Variants in GALNTL6 observed in about 807,000 individuals in gnomAD.
GALNTL6 encodes the protein polypeptide N-acetylgalactosaminyltransferase-like 6.
A neutral mutation model predicts 73.7 loss-of-function variants in GALNTL6; 46 were observed. The observed-to-expected ratio is 0.62, with a 90% CI of 0.49 to 0.80. The LOEUF (loss-of-function observed/expected upper bound fraction) is 0.80, where lower values mean the gene tolerates loss of function less well. GALNTL6 is among the 30% of genes least tolerant of loss of function. GALNTL6 has a pLI of 0.00. For missense variants in GALNTL6, 604 were observed against 755.0 expected (o/e 0.80, Z 2.34); for synonymous variants, 259 against 263.7 (o/e 0.98, Z 0.17).
intron 2 of GALNTL6, among the ~76,000 whole-genome samples, chr4:172,176,354 A>AAAAAAAAAAAG (rs1734999376): frequency 6.7e-6 from 1 of 149,448 alleles, no homozygotes; most frequent in Non-Finnish European, 1.5e-5. Context: ...AAAAAAAAAA[A>AAAAAAAAAAAG]AAGAGTGTAT....
chr4:172,965,525 G>A (rs184852160), intron 10 of GALNTL6, among the ~76,000 whole-genome samples: 3 of 152,124 alleles, frequency 2.0e-5, no homozygotes, highest in African/African-American at 7.2e-5. Context: ...AGAGCTTGCA[G>A]TGAGCTGAGA....
At chr4:173,029,611 T>C (rs1184572999) in intron 12 of GALNTL6, among the ~76,000 whole-genome samples, 1 of 152,216 alleles carries the variant, frequency 6.6e-6, no homozygotes, top group Non-Finnish European at 1.5e-5. Flanking sequence ...TAGCCTGAGT[T>C]GATTGATTTC....
At chr4:172,487,300 GTCTTTCTT>G (rs1212706952) in intron 5 of GALNTL6, among the ~76,000 whole-genome samples, 258 of 118,698 alleles carry the variant, frequency 2.2e-3, no homozygotes, top group African/African-American at 7.7e-3. Flanking sequence ...CTTTCCTTCT[GTCTTTCTT>G]TCTTTCTTTC....
At chr4:172,182,008 C>A (rs1223648394) in intron 2 of GALNTL6, among the ~76,000 whole-genome samples, 1 of 152,034 alleles carries the variant, frequency 6.6e-6, no homozygotes, top group Non-Finnish European at 1.5e-5. Context: ...TGAGCCACCG[C>A]GCCCGGCCTT....
chr4:172,814,350 GT>G (rs1276262710), intron 7 of GALNTL6, among the ~76,000 whole-genome samples: 1 of 152,046 alleles, frequency 6.6e-6, no homozygotes, highest in African/African-American at 2.4e-5. Flanking sequence ...ACGACATCCT[GT>G]TTTTTCAGTG....
chr4:172,413,631 T>C (rs1744521296), intron 5 of GALNTL6, among the ~76,000 whole-genome samples: 1 of 148,760 alleles, frequency 6.7e-6, no homozygotes, highest in South Asian at 2.1e-4. Context: ...ACATTAAAGG[T>C]TGTAATTTAT....
intron 5 of GALNTL6, among the ~76,000 whole-genome samples, chr4:172,772,369 G>C (rs1397928997): frequency 2.0e-5 from 3 of 152,186 alleles, no homozygotes; most frequent in Admixed American, 6.5e-5. Context: ...CCTCTCCAGA[G>C]ATGTAACTGT....
At chr4:172,599,884 A>C (rs917494837) in intron 5 of GALNTL6, among the ~76,000 whole-genome samples, 1 of 152,156 alleles carries the variant, frequency 6.6e-6, no homozygotes, top group Admixed American at 6.6e-5. Context: ...TTGCCAGCTG[A>C]TGAGAGTGTA....
intron 5 of GALNTL6, among the ~76,000 whole-genome samples, chr4:172,460,799 G>T (rs904491576): frequency 1.3e-5 from 2 of 152,230 alleles, no homozygotes; most frequent in Non-Finnish European, 2.9e-5. Context: ...TATTGTGGAA[G>T]ACAGTGTGAC....
intron 3 of GALNTL6, 96 bp downstream of exon 3, chr4:172,229,860 T>C (rs1736993723): frequency 4.2e-6 from 3 of 708,940 alleles, no homozygotes; most frequent in Admixed American, 4.9e-5. Context: ...TTCTGCACAC[T>C]GTAAAGTATG....
intron 7 of GALNTL6, among the ~76,000 whole-genome samples, chr4:172,824,254 C>T (rs1258904018): frequency 1.3e-5 from 2 of 152,046 alleles, no homozygotes; most frequent in Non-Finnish European, 2.9e-5. Context: ...CGAGCAGTCT[C>T]TAGTCCTGAA....
intron 5 of GALNTL6, among the ~76,000 whole-genome samples, chr4:172,589,276 A>G (rs551679964): frequency 1.8e-4 from 28 of 152,334 alleles, no homozygotes; most frequent in African/African-American, 6.3e-4. Context: ...CCAGAAATTA[A>G]GTATAACTTA....
chr4:172,576,795 G>A (rs1306749727), intron 5 of GALNTL6, among the ~76,000 whole-genome samples: 1 of 152,142 alleles, frequency 6.6e-6, no homozygotes, highest in African/African-American at 2.4e-5. Flanking sequence ...AATAGATTCT[G>A]AGGACAAGTT....
chr4:172,713,633 A>G (rs894752900), intron 5 of GALNTL6, among the ~76,000 whole-genome samples: 1 of 152,150 alleles, frequency 6.6e-6, no homozygotes, highest in African/African-American at 2.4e-5. Flanking sequence ...TTTTTATCAG[A>G]AAGTAATATG....
At chr4:172,993,709 T>G (rs10020137) in intron 10 of GALNTL6, among the ~76,000 whole-genome samples, 1 of 152,238 alleles carries the variant, frequency 6.6e-6, no homozygotes, top group African/African-American at 2.4e-5. Flanking sequence ...TGTTTTGTTC[T>G]GTTCTGCTTT....
At chr4:172,588,330 A>G (rs1248594498) in intron 5 of GALNTL6, among the ~76,000 whole-genome samples, 1 of 152,152 alleles carries the variant, frequency 6.6e-6, no homozygotes, top group Non-Finnish European at 1.5e-5. Context: ...GTAGTGGCTC[A>G]TGCCTGCAAT....
chr4:172,223,877 C>G (rs2110954118), intron 2 of GALNTL6, among the ~76,000 whole-genome samples: 1 of 152,168 alleles, frequency 6.6e-6, no homozygotes, highest in Admixed American at 6.5e-5. Context: ...ATACAGTCCT[C>G]CCATTGTGTT....
intron 10 of GALNTL6, among the ~76,000 whole-genome samples, chr4:172,965,093 G>T (rs888191546): frequency 8.5e-5 from 13 of 152,146 alleles, no homozygotes; most frequent in African/African-American, 2.9e-4. Flanking sequence ...TATTAGACTT[G>T]ACTTGATCTG....
intron 5 of GALNTL6, among the ~76,000 whole-genome samples, chr4:172,598,248 A>T (rs971470999): frequency 6.6e-6 from 1 of 152,144 alleles, no homozygotes; most frequent in Non-Finnish European, 1.5e-5. Context: ...ATCCAAACAT[A>T]TTGGCAGTGA....
Sources: gnomAD v4.1 joint callset for allele counts (sites outside exome capture counted in the v4.1 genomes callset) on GRCh38, gnomAD v4.1.1 for gene constraint, MANE v1.5 for transcripts, NCBI Gene and HGNC (gene_info 2026-07-23, HGNC 2026-07-21) for gene names.